CCDC171: variants seen among roughly 807,000 people sequenced by gnomAD.
The protein encoded by CCDC171 is coiled-coil domain-containing protein 171.
In CCDC171, 177 loss-of-function variants were observed where a neutral mutation model predicts 168.2. The observed-to-expected ratio is 1.05, with a 90% confidence interval of 0.93 to 1.19. The LOEUF (loss-of-function observed/expected upper bound fraction) is 1.19. CCDC171 is among the 50% of genes most tolerant of loss of function. CCDC171 has a pLI of 0.00. For missense variants in CCDC171, 1,991 were observed against 1,539.0 expected (o/e 1.29, Z -4.91); for synonymous variants, 687 against 540.8 (o/e 1.27, Z -3.75).
intron 11 of CCDC171, among the ~76,000 whole-genome samples, chr9:15,716,508 T>C (rs2053098050): frequency 6.6e-6 from 1 of 152,176 alleles, no homozygotes; most frequent in South Asian, 2.1e-4. Context: ...CAGTAAGTGT[T>C]TCTTTTTTAT....
chr9:15,864,448 A>G (rs543794714), intron 23 of CCDC171, among the ~76,000 whole-genome samples: 82 of 152,036 alleles, frequency 5.4e-4, no homozygotes, highest in African/African-American at 1.9e-3. Flanking sequence ...TCCTAATGCT[A>G]TCCCTCCCCC....
At chr9:15,558,758 T>C (rs2039020403) in intron 1 of CCDC171, among the ~76,000 whole-genome samples, 1 of 152,170 alleles carries the variant, frequency 6.6e-6, no homozygotes, top group African/African-American at 2.4e-5. Flanking sequence ...TCTTAGTTAT[T>C]TCTTGCCTTC....
chr9:15,859,638 T>TTTTGTTTTGA (rs1323648095), intron 23 of CCDC171, among the ~76,000 whole-genome samples: 2 of 130,466 alleles, frequency 1.5e-5, no homozygotes, highest in African/African-American at 6.0e-5. Flanking sequence ...CCCCGAATCT[T>TTTTGTTTTGA]TTTGTTTTGT....
intron 18 of CCDC171, among the ~76,000 whole-genome samples, chr9:15,749,104 A>G (rs536571318): frequency 6.6e-6 from 1 of 151,476 alleles, no homozygotes; most frequent in Non-Finnish European, 1.5e-5. Flanking sequence ...TAGGCTCAAA[A>G]TAAAGGGATG....
chr9:15,661,414 T>C (rs1343500787), intron 8 of CCDC171, among the ~76,000 whole-genome samples: 2 of 152,140 alleles, frequency 1.3e-5, no homozygotes, highest in African/African-American at 2.4e-5. Context: ...CCTGGGAATA[T>C]ATAGTTAATT....
chr9:15,722,137 T>C (rs2053525255), intron 12 of CCDC171, among the ~76,000 whole-genome samples: 1 of 152,084 alleles, frequency 6.6e-6, no homozygotes, highest in Non-Finnish European at 1.5e-5. Flanking sequence ...TCATAATTTA[T>C]CTGTTTTAAC....
chr9:15,611,512 T>C (rs2043693865), intron 6 of CCDC171, among the ~76,000 whole-genome samples: 1 of 152,156 alleles, frequency 6.6e-6, no homozygotes, highest in South Asian at 2.1e-4. Flanking sequence ...TCTTTCCGTC[T>C]CCTCCTTATA....
intron 7 of CCDC171, among the ~76,000 whole-genome samples, chr9:15,654,701 A>C (rs953154285): frequency 1.3e-5 from 2 of 152,188 alleles, no homozygotes; most frequent in Non-Finnish European, 2.9e-5. Context: ...GAACAGCTCC[A>C]GTCTATAGCT....
Position 15,627,365 on chromosome 9 carries a change from G to A in CCDC171, c.822+3952G>A, listed in dbSNP as rs372678901. Among the ~76,000 whole-genome samples the A allele has an allele frequency of 4.0e-5, 6 of 151,872 alleles. No individual in the cohort carries two copies. The South Asian group carries it at 1.2e-3, about 32-fold the overall frequency. ...TTTTTCTTGCCTTCTGCTAGCTTTTGTATGTGTTTGCTCTTGCTTCTGTAG... is the reference window on the plus strand; with the variant it reads ...TTTTTCTTGCCTTCTGCTAGCTTTTATATGTGTTTGCTCTTGCTTCTGTAG... On this transcript the variant is annotated intron_variant, in intron 7 of 25. Coordinates refer to ENST00000380701, the MANE Select transcript of CCDC171 (RefSeq NM_173550.4).
intron 21 of CCDC171, among the ~76,000 whole-genome samples, chr9:15,828,344 A>AC (rs76437728): frequency 2.6e-5 from 4 of 151,522 alleles, no homozygotes; most frequent in South Asian, 2.1e-4. Flanking sequence ...AAAAAAAAAA[A>AC]CAGGACTTAG....
intron 6 of CCDC171, among the ~76,000 whole-genome samples, chr9:16,033,790 C>T (rs1477237056): frequency 1.3e-5 from 2 of 149,772 alleles, no homozygotes; most frequent in South Asian, 2.2e-4. Flanking sequence ...CCATAGTCTT[C>T]CTGAGAAAGA....
intron 1 of CCDC171, among the ~76,000 whole-genome samples, chr9:16,060,087 G>A (rs1316201810): frequency 2.6e-5 from 4 of 152,198 alleles, no homozygotes; most frequent in East Asian, 3.9e-4. Context: ...GCATGTAAAT[G>A]TATATGTATG....
intron 6 of CCDC171, among the ~76,000 whole-genome samples, chr9:15,595,983 G>T (rs1171360265): frequency 6.6e-6 from 1 of 151,980 alleles, no homozygotes; most frequent in Non-Finnish European, 1.5e-5. Flanking sequence ...TCGCCCACTT[G>T]TTGATGGGGT....
At chr9:15,592,346 A>G (rs571082105) in intron 5 of CCDC171, among the ~76,000 whole-genome samples, 50 of 152,194 alleles carry the variant, frequency 3.3e-4, no homozygotes, top group Middle Eastern at 3.4e-3. Context: ...TCTCCCCCCA[A>G]AAAAGCAAAA....
At chr9:15,988,222 A>C (rs1589299740) in intron 3 of CCDC171, among the ~76,000 whole-genome samples, 1 of 152,192 alleles carries the variant, frequency 6.6e-6, no homozygotes, top group East Asian at 1.9e-4. Context: ...GTCACCACCT[A>C]TGAAGCTATG....
chr9:15,907,099 T>C (rs560906452), intron 24 of CCDC171, among the ~76,000 whole-genome samples: 3 of 152,282 alleles, frequency 2.0e-5, no homozygotes, highest in Admixed American at 6.5e-5. Flanking sequence ...ATTTAGAGAT[T>C]CAATGCCATC....
rs918588926 is a variant in CCDC171, at chr9:15,920,300, C to G, written c.3631C>G (p.Gln1211Glu). The G allele has an allele frequency of 2.5e-6, 4 of 1,594,740 alleles. No homozygotes were observed. Among genetic ancestry groups the G allele is most frequent in the Non-Finnish European group, 3.4e-6 (4 of 1,168,596 alleles). ...AMIKSFMDVY[Q>E]LASTRIMTLE... ...GATTAAAAGTTTCATGGATGTCTAC[C>G]AGCTTGCAAGCACTAGAATCATGAC... Residue 1211 changes from glutamine to glutamate, a missense_variant, in exon 25 of 26, where the codon CAG becomes GAG. Gln to Glu is a conservative substitution (Grantham distance 29). Coordinates refer to ENST00000380701, the MANE Select transcript of CCDC171 (RefSeq NM_173550.4).
chr9:15,780,991 G>C (rs2057637168), intron 20 of CCDC171, among the ~76,000 whole-genome samples: 1 of 151,962 alleles, frequency 6.6e-6, no homozygotes, highest in Non-Finnish European at 1.5e-5. Flanking sequence ...GTTGAATTTG[G>C]GATATTGAGA....
chr9:15,832,738 C>T (rs138889525), intron 21 of CCDC171, among the ~76,000 whole-genome samples: 10 of 152,166 alleles, frequency 6.6e-5, no homozygotes, highest in Admixed American at 1.3e-4. Flanking sequence ...TTTATAAGCA[C>T]TGTATACTTT....
Sources: allele counts gnomAD v4.1 joint callset (sites outside exome capture counted in the v4.1 genomes callset), GRCh38; gene constraint gnomAD v4.1.1; transcripts MANE v1.5; gene names NCBI Gene and HGNC (gene_info 2026-07-23, HGNC 2026-07-21).